LPA: variants seen among roughly 807,000 people sequenced by gnomAD.
LPA encodes apolipoprotein(a).
Under a neutral mutation model 197.9 loss-of-function variants are expected in LPA, and 199 were observed. The ratio of observed to expected loss-of-function variants is 1.01; its 90% CI spans 0.90 to 1.13. The LOEUF (loss-of-function observed/expected upper bound fraction) is 1.13. LPA is among the 50% of genes most tolerant of loss of function. The probability of loss-of-function intolerance (pLI) is 0.00; values close to 1 mark genes in which losing one functional copy is unlikely to be tolerated. For missense variants in LPA, 1,853 were observed against 1,785.8 expected (o/e 1.04, Z -0.68); for synonymous variants, 715 against 639.5 (o/e 1.12, Z -1.78).
At chr6:160,588,714 G>A (rs1220960291) in intron 24 of LPA, among the ~76,000 whole-genome samples, 1 of 152,116 alleles carries the variant, frequency 6.6e-6, no homozygotes, top group Non-Finnish European at 1.5e-5. Flanking sequence ...AGGCATCGCA[G>A]ACTCCAGTCT....
intron 30 of LPA, among the ~76,000 whole-genome samples, chr6:160,553,734 T>C (rs1284436861): frequency 2.0e-5 from 3 of 152,262 alleles, no homozygotes; most frequent in Non-Finnish European, 4.4e-5. Flanking sequence ...TTCTTGACTG[T>C]GAGTTTATCA....
At position 160,548,979 on chromosome 6, in the gene LPA, C is replaced by T. The variant is rs533426627; in HGVS notation, c.4974-320G>A. On this transcript the variant is annotated intron_variant, in intron 30 of 38. Coordinates refer to ENST00000316300, the MANE Select transcript of LPA (RefSeq NM_005577.4). ...AAAGAGTTTTAATTGACTCACAGTT[C>T]CACATTGCTGGGGAGGCCTCTGGAA... Among the ~76,000 whole-genome samples the T allele has an allele frequency of 5.3e-5, 8 of 152,216 alleles. No homozygotes were observed. In the East Asian group the frequency reaches 1.5e-3, roughly 29 times the overall value.
intron 28 of LPA, among the ~76,000 whole-genome samples, chr6:160,563,805 T>C (rs940350003): frequency 1.3e-5 from 2 of 152,266 alleles, no homozygotes; most frequent in Non-Finnish European, 2.9e-5. Flanking sequence ...TTGATACTTT[T>C]ACCATTAGGT....
At chr6:160,542,632 G>A (rs1777998953) in intron 34 of LPA, 56 bp downstream of exon 34, 3 of 1,610,514 alleles carry the variant, frequency 1.9e-6, no homozygotes, top group East Asian at 4.5e-5. Context: ...ATGTAGAAGG[G>A]TTTTGTGGGG....
chr6:160,608,933 T>A (rs886786424), intron 16 of LPA, among the ~76,000 whole-genome samples: 2 of 151,956 alleles, frequency 1.3e-5, no homozygotes, highest in African/African-American at 4.8e-5. Flanking sequence ...TTTTGGTTAG[T>A]TTCCTATTCA....
At chr6:160,542,362 C>T (rs541932947) in intron 34 of LPA, among the ~76,000 whole-genome samples, 1 of 152,282 alleles carries the variant, frequency 6.6e-6, no homozygotes, top group East Asian at 1.9e-4. Flanking sequence ...TTCTTTTCAT[C>T]TGACAGTGAG....
chr6:160,588,113 G>T (rs1429759681), intron 24 of LPA, among the ~76,000 whole-genome samples: 2 of 152,096 alleles, frequency 1.3e-5, no homozygotes, highest in Admixed American at 1.3e-4. Context: ...GGGCCTGTTT[G>T]TGTTGAGTGA....
intron 34 of LPA, among the ~76,000 whole-genome samples, chr6:160,542,091 C>A (rs1358113450): frequency 1.3e-5 from 2 of 152,178 alleles, no homozygotes; most frequent in East Asian, 1.9e-4. Flanking sequence ...GACACCCAAG[C>A]AAACTGAACT....
chr6:160,662,268 T>A (rs189995201), intron 1 of LPA, among the ~76,000 whole-genome samples: 88 of 152,366 alleles, frequency 5.8e-4, no homozygotes, highest in African/African-American at 2.0e-3. Context: ...ATATTGCTAC[T>A]GAAGTAAATG....
At chr6:160,588,689 C>T (rs1296612292) in intron 24 of LPA, among the ~76,000 whole-genome samples, 1 of 152,164 alleles carries the variant, frequency 6.6e-6, no homozygotes, top group Non-Finnish European at 1.5e-5. Context: ...CAGCCTAGAA[C>T]ACATCAGCTG....
At chr6:160,566,671 G>A (rs555294540) in intron 28 of LPA, among the ~76,000 whole-genome samples, 55 of 152,276 alleles carry the variant, frequency 3.6e-4, no homozygotes, top group Non-Finnish European at 6.9e-4. Context: ...TGGGCTAAAT[G>A]CTCCAATTAA....
intron 36 of LPA, among the ~76,000 whole-genome samples, chr6:160,539,402 CAAT>C (rs1261491994): frequency 2.0e-5 from 3 of 150,070 alleles, no homozygotes; most frequent in Middle Eastern, 3.5e-3. Context: ...AAGAAGACAA[CAAT>C]AATATTATTA....
chr6:160,647,165 G>T (rs1306859615), intron 2 of LPA, among the ~76,000 whole-genome samples: 2 of 152,106 alleles, frequency 1.3e-5, no homozygotes, highest in African/African-American at 4.8e-5. Context: ...TCCAGAACTG[G>T]GGGATGAGTT....
chr6:160,659,239 T>C (rs1582906256), intron 1 of LPA, among the ~76,000 whole-genome samples: 1 of 152,030 alleles, frequency 6.6e-6, no homozygotes, highest in Non-Finnish European at 1.5e-5. Flanking sequence ...GGCCTCAGGG[T>C]GCTTGCAGGG....
rs116882670 is a variant in LPA at position 160,592,223 on chromosome 6, G to A, written c.3630-1122C>T. Among the ~76,000 whole-genome samples, 9 of 148,236 alleles carry A rather than the reference G, an allele frequency of 6.1e-5. No homozygotes were observed. In the East Asian group the frequency reaches 1.9e-3, roughly 32 times the overall value. On this transcript the variant is annotated intron_variant, in intron 22 of 38. Transcript: ENST00000316300. ...GTTGATTAATTGGTTCAGTCATTGTGTGTATGTGTATTTGTGTCTGTCTGT... is the reference window on the plus strand; with the variant it reads ...GTTGATTAATTGGTTCAGTCATTGTATGTATGTGTATTTGTGTCTGTCTGT...
chr6:160,642,979 A>C (rs1779863074), intron 4 of LPA, among the ~76,000 whole-genome samples: 2 of 115,026 alleles, frequency 1.7e-5, no homozygotes, highest in Non-Finnish European at 1.9e-5. Context: ...CATGTCTGTG[A>C]GGCTCGCTTA....
At chr6:160,587,776 T>C (rs1368270076) in intron 24 of LPA, among the ~76,000 whole-genome samples, 7 of 120,274 alleles carry the variant, frequency 5.8e-5, no homozygotes, top group Non-Finnish European at 1.2e-4. Flanking sequence ...TGTGTGTGTG[T>C]GTGTGTGTGT....
Position 160,539,657 on chromosome 6 carries a change from G to A in LPA, c.5735+386C>T, listed in dbSNP as rs530205922. ...GAGGCGCCCACACTAAGCATGGCTCGATATGGTGGTTTTTCAAGCGCTTTG... is the reference window on the plus strand; with the variant it reads ...GAGGCGCCCACACTAAGCATGGCTCAATATGGTGGTTTTTCAAGCGCTTTG... On this transcript the variant is annotated intron_variant, in intron 36 of 38. Transcript: ENST00000316300. Among the ~76,000 whole-genome samples the A allele has an allele frequency of 8.5e-5, 13 of 152,148 alleles. No individual in the cohort carries two copies. The South Asian group carries it at 2.5e-3, about 29-fold the overall frequency.
At position 160,595,554 on chromosome 6, in the gene LPA, C is replaced by T; in HGVS notation, c.3288-19G>A. On this transcript the variant is annotated intron_variant, in intron 20 of 38. Transcript: ENST00000316300. ...CAGGCCACTGCAAATTTCAAAACAA[C>T]ACAGGTCACCAGAGATGGGAGAAGA... 7 of 1,613,914 alleles carry T rather than the reference C, an allele frequency of 4.3e-6. No homozygotes were observed. Among genetic ancestry groups the T allele is most frequent in the Non-Finnish European group, 5.9e-6 (7 of 1,179,898 alleles).
Sources: allele counts gnomAD v4.1 joint callset (sites outside exome capture counted in the v4.1 genomes callset), GRCh38; gene constraint gnomAD v4.1.1; transcripts MANE v1.5; gene names NCBI Gene and HGNC (gene_info 2026-07-23, HGNC 2026-07-21).